Variants in DLGAP2 observed in about 807,000 individuals in gnomAD.
DLGAP2 encodes disks large-associated protein 2.
In DLGAP2, 26 loss-of-function variants were observed where a neutral mutation model predicts 100.3. The observed-to-expected ratio is 0.26, with a 90% confidence interval of 0.19 to 0.36. The LOEUF (loss-of-function observed/expected upper bound fraction) is 0.36. Among genes scored for constraint, DLGAP2 ranks in the 10% least tolerant of loss-of-function variants. The probability of loss-of-function intolerance (pLI) is 1.00; values close to 1 mark genes in which losing one functional copy is unlikely to be tolerated. For synonymous variants in DLGAP2, 886 were observed against 630.1 expected (o/e 1.41, Z -6.08); for missense variants, 1,858 against 1,453.2 (o/e 1.28, Z -4.53).
intron 2 of DLGAP2, among the ~76,000 whole-genome samples, chr8:982,240 C>A (rs774806014): frequency 6.6e-6 from 1 of 152,214 alleles, no homozygotes; most frequent in Non-Finnish European, 1.5e-5. Flanking sequence ...CACGGGTGAC[C>A]GTGCAAGACC....
chr8:986,363 A>G (rs1488230396), intron 2 of DLGAP2, among the ~76,000 whole-genome samples: 2 of 152,236 alleles, frequency 1.3e-5, no homozygotes, highest in East Asian at 1.9e-4. Flanking sequence ...ATATATGTGC[A>G]GAACGTGCAG....
chr8:1,554,522 C>G (rs566834507), intron 5 of DLGAP2, among the ~76,000 whole-genome samples: 1 of 152,248 alleles, frequency 6.6e-6, no homozygotes, highest in African/African-American at 2.4e-5. Flanking sequence ...CTCAGCTCAG[C>G]TTGGCCTCCA....
rs574154382 is a variant in DLGAP2, at chr8:1,029,461, G to A, written c.73+121495G>A. Among the ~76,000 whole-genome samples, 13 of 152,320 alleles carry A rather than the reference G, an allele frequency of 8.5e-5. No individual in the cohort carries two copies. The Middle Eastern group carries it at 0.01, about 120-fold the overall frequency. ...AAGAGGTTCTGGTGGGATGGCCAAC[G>A]GCATCCAGCAGTGCTGAGAGGTTCT... On this transcript the variant is annotated intron_variant, in intron 2 of 14. Transcript: ENST00000637795.
chr8:765,249 A>G (rs1051311510), intron 1 of DLGAP2, among the ~76,000 whole-genome samples: 3 of 152,232 alleles, frequency 2.0e-5, no homozygotes, highest in African/African-American at 7.2e-5. Context: ...ATGAGCTATA[A>G]GATTTTCAAG....
At chr8:1,083,041 A>G (rs1193376870) in intron 2 of DLGAP2, among the ~76,000 whole-genome samples, 1 of 152,238 alleles carries the variant, frequency 6.6e-6, no homozygotes, top group Non-Finnish European at 1.5e-5. Context: ...ACTTAGTTAT[A>G]AGAGTCCATG....
chr8:1,135,503 G>GTTTTTTTTTTTTT (rs3080806), intron 2 of DLGAP2, among the ~76,000 whole-genome samples: 14 of 92,194 alleles, frequency 1.5e-4, no homozygotes, highest in African/African-American at 2.0e-4. Context: ...TTTTTTGTGG[G>GTTTTTTTTTTTTT]TTTTTTTTTT....
rs60598082 is a variant in DLGAP2, at chr8:1,707,277, G to A, written c.*5871G>A. The A allele has an allele frequency of 1.4e-4, 21 of 152,514 alleles. No individual in the cohort carries two copies. The highest frequency in any genetic ancestry group is 2.5e-4 in the Non-Finnish European group (17 of 68,034). 9.4% of individuals were successfully genotyped at this position (152,514 alleles called of 1,614,324 possible). A position where few individuals can be genotyped will look rare whatever the true frequency, so the allele number is the denominator to read the frequency against. ...CACCAGGTTTCTTGGACAAATTTAA[G>A]TTCAAATTTATCTCTTTCAAGTAGA... On this transcript the variant is annotated 3_prime_UTR_variant, in exon 15 of 15. Transcript: ENST00000637795.
In DLGAP2 at chr8:827,941, C is replaced by T. The variant is rs556736247; in HGVS notation, c.19-79971C>T. On this transcript the variant is annotated intron_variant, in intron 1 of 14. Coordinates refer to ENST00000637795, the MANE Select transcript of DLGAP2 (RefSeq NM_001346810.2). ...AGCTGGGTGTCCGGGGGAGACATCA[C>T]ACATTGGTAGGATCCGTGATGCCCC... Among the ~76,000 whole-genome samples the T allele has an allele frequency of 4.5e-4, 69 of 152,250 alleles. 1 individual carries two copies. Among genetic ancestry groups the T allele is most frequent in the African/African-American group, 1.5e-3 (63 of 41,540 alleles).
chr8:1,040,579 C>T (rs371768144), intron 2 of DLGAP2, among the ~76,000 whole-genome samples: 1 of 145,336 alleles, frequency 6.9e-6, no homozygotes, highest in African/African-American at 2.6e-5. Context: ...GCTCGGTTTC[C>T]GTGGTCGGCT....
At chr8:1,663,458 A>C (rs1448473678) in intron 8 of DLGAP2, among the ~76,000 whole-genome samples, 1 of 152,092 alleles carries the variant, frequency 6.6e-6, no homozygotes, top group African/African-American at 2.4e-5. Flanking sequence ...GACGCCGGAC[A>C]CCGCAGAGCA....
chr8:1,226,343 C>T (rs914829599), intron 2 of DLGAP2, among the ~76,000 whole-genome samples: 1 of 152,106 alleles, frequency 6.6e-6, no homozygotes, highest in African/African-American at 2.4e-5. Context: ...AGCTGGAAGC[C>T]ATTATCCTCA....
intron 3 of DLGAP2, among the ~76,000 whole-genome samples, chr8:1,350,444 G>A (rs1801689848): frequency 9.8e-6 from 1 of 101,768 alleles, no homozygotes; most frequent in Non-Finnish European, 2.0e-5. Flanking sequence ...CTGAGTGTGC[G>A]TGGAAAGGCC....
intron 2 of DLGAP2, among the ~76,000 whole-genome samples, chr8:1,179,392 C>T (rs767878316): frequency 2.0e-5 from 3 of 152,230 alleles, no homozygotes; most frequent in Non-Finnish European, 4.4e-5. Flanking sequence ...TCTGACTGTG[C>T]AGTCGATGGA....
intron 3 of DLGAP2, among the ~76,000 whole-genome samples, chr8:1,288,040 G>A (rs1345802738): frequency 6.9e-6 from 1 of 145,574 alleles, no homozygotes; most frequent in South Asian, 2.3e-4. Context: ...TTGAGTGTGT[G>A]TGTGTGTGTG....
intron 12 of DLGAP2, among the ~76,000 whole-genome samples, chr8:1,690,189 C>G (rs2472115): frequency 7.3e-5 from 11 of 150,964 alleles, no homozygotes; most frequent in Non-Finnish European, 1.6e-4. Flanking sequence ...AACGCTGTCT[C>G]TACTAAAAAT....
intron 1 of DLGAP2, among the ~76,000 whole-genome samples, chr8:742,818 CT>C (rs2132558643): frequency 6.6e-6 from 1 of 152,198 alleles, no homozygotes; most frequent in South Asian, 2.1e-4. Flanking sequence ...GCATTTGGCT[CT>C]TTATTTGACC....
intron 2 of DLGAP2, among the ~76,000 whole-genome samples, chr8:1,011,003 G>A (rs1801264894): frequency 6.7e-6 from 1 of 150,240 alleles, no homozygotes; most frequent in South Asian, 2.1e-4. Flanking sequence ...AGGGGCCTCA[G>A]TCTACATAGT....
intron 3 of DLGAP2, among the ~76,000 whole-genome samples, chr8:1,457,046 A>G (rs1193880851): frequency 6.6e-6 from 1 of 152,212 alleles, no homozygotes; most frequent in Non-Finnish European, 1.5e-5. Flanking sequence ...ACAGGGCTTC[A>G]TTTCAATGTG....
chr8:1,228,405 T>G (rs564648548), intron 2 of DLGAP2, among the ~76,000 whole-genome samples: 2 of 152,320 alleles, frequency 1.3e-5, no homozygotes, highest in East Asian at 3.9e-4. Context: ...AATAACAATC[T>G]TACATATGCT....
Sources: gnomAD v4.1 joint callset for allele counts (sites outside exome capture counted in the v4.1 genomes callset) on GRCh38, gnomAD v4.1.1 for gene constraint, MANE v1.5 for transcripts, NCBI Gene and HGNC (gene_info 2026-07-23, HGNC 2026-07-21) for gene names.